LTBP1: variants seen among roughly 807,000 people sequenced by gnomAD.
LTBP1 encodes the protein latent-transforming growth factor beta-binding protein 1.
Under a neutral mutation model 207.6 loss-of-function variants are expected in LTBP1, and 129 were observed. The ratio of observed to expected loss-of-function variants is 0.62; its 90% CI spans 0.54 to 0.72. LTBP1 has a LOEUF of 0.72. Ranked by LOEUF, LTBP1 falls within the 30% of genes least tolerant of loss-of-function variation. The probability of loss-of-function intolerance (pLI) is 0.00; values close to 1 mark genes in which losing one functional copy is unlikely to be tolerated. For synonymous variants in LTBP1, 963 were observed against 833.7 expected (o/e 1.16, Z -2.67); for missense variants, 2,281 against 2,217.2 (o/e 1.03, Z -0.58).
chr2:33,157,107 A>G (rs900868374), intron 5 of LTBP1, among the ~76,000 whole-genome samples: 2 of 152,172 alleles, frequency 1.3e-5, no homozygotes, highest in Non-Finnish European at 2.9e-5. Context: ...CCCTTTCTAG[A>G]GTTCTTGGCC....
At position 32,947,720 on chromosome 2, in the gene LTBP1, C is replaced by A; in HGVS notation, c.396C>A (p.Thr132=). 1 of 1,535,686 alleles carries A rather than the reference C, an allele frequency of 6.5e-7. No individual in the cohort carries two copies. The highest frequency in any genetic ancestry group is 8.8e-7 in the Non-Finnish European group (1 of 1,142,686). The change falls in exon 1 of 34, where the codon ACC becomes ACA. Residue 132 remains threonine (T), a synonymous_variant. Transcript: ENST00000404816. ...PGGHPAAAPF[T]KQGRQVVRSK... Reference sequence around the variant, plus strand: ...GCCACCCGGCAGCCGCCCCGTTCACCAAACAAGGCAGGCAAGTTGTGCGCT... The same window carrying A: ...GCCACCCGGCAGCCGCCCCGTTCACAAAACAAGGCAGGCAAGTTGTGCGCT...
chr2:33,146,178 A>T (rs1038243158), intron 5 of LTBP1, among the ~76,000 whole-genome samples: 4 of 152,174 alleles, frequency 2.6e-5, no homozygotes, highest in Admixed American at 1.3e-4. Flanking sequence ...TGGTTATTTG[A>T]AATTTGATCT....
chr2:33,354,281 T>A (rs1006135518), intron 26 of LTBP1, among the ~76,000 whole-genome samples: 1 of 152,168 alleles, frequency 6.6e-6, no homozygotes, highest in African/African-American at 2.4e-5. Context: ...AATTTAACAT[T>A]GAAAGACTTA....
At chr2:33,299,451 TTTAGA>T (rs1220582170) in intron 20 of LTBP1, among the ~76,000 whole-genome samples, 1 of 152,198 alleles carries the variant, frequency 6.6e-6, no homozygotes. Flanking sequence ...TATTACTCCC[TTTAGA>T]TTAGGGCTCC....
intron 7 of LTBP1, among the ~76,000 whole-genome samples, chr2:33,194,777 G>A (rs1302091344): frequency 6.6e-6 from 1 of 152,236 alleles, no homozygotes; most frequent in Non-Finnish European, 1.5e-5. Context: ...CCTTATACCT[G>A]AAGAAGATGC....
intron 3 of LTBP1, among the ~76,000 whole-genome samples, chr2:33,035,371 AT>A (rs1165000033): frequency 4.6e-5 from 7 of 152,234 alleles, no homozygotes; most frequent in African/African-American, 1.7e-4. Context: ...GTTTTGAAAA[AT>A]TAGAGAGGAA....
chr2:32,967,857 C>T (rs1328497543), intron 2 of LTBP1, among the ~76,000 whole-genome samples: 1 of 152,108 alleles, frequency 6.6e-6, no homozygotes, highest in African/African-American at 2.4e-5. Context: ...CGTTGAATTC[C>T]AATTATGTCC....
chr2:33,379,723 C>T (rs1403129791), intron 31 of LTBP1, among the ~76,000 whole-genome samples: 1 of 152,202 alleles, frequency 6.6e-6, no homozygotes, highest in Non-Finnish European at 1.5e-5. Flanking sequence ...TTTTACTTTG[C>T]AGTGATGTCT....
At chr2:33,290,543 A>T (rs935641911) in intron 19 of LTBP1, among the ~76,000 whole-genome samples, 7 of 152,236 alleles carry the variant, frequency 4.6e-5, no homozygotes, top group African/African-American at 1.7e-4. Flanking sequence ...TGCAAGCTGG[A>T]TAATGGATTA....
At chr2:33,104,143 G>A (rs2079919711) in intron 3 of LTBP1, among the ~76,000 whole-genome samples, 1 of 152,102 alleles carries the variant, frequency 6.6e-6, no homozygotes, top group South Asian at 2.1e-4. Context: ...TAGAAATATG[G>A]AAAAGTTTAG....
intron 5 of LTBP1, among the ~76,000 whole-genome samples, chr2:33,159,831 A>G (rs768661228): frequency 2.6e-5 from 4 of 152,184 alleles, no homozygotes; most frequent in East Asian, 3.9e-4. Flanking sequence ...CAATGGGTAT[A>G]TTATTTCCAT....
At chr2:33,058,278 C>A (rs2077104874) in intron 3 of LTBP1, among the ~76,000 whole-genome samples, 1 of 152,096 alleles carries the variant, frequency 6.6e-6, no homozygotes, top group Non-Finnish European at 1.5e-5. Context: ...TTATTAATTA[C>A]ATTATTATTT....
intron 5 of LTBP1, among the ~76,000 whole-genome samples, chr2:33,165,871 C>T (rs1053817769): frequency 1.3e-5 from 2 of 152,160 alleles, no homozygotes; most frequent in African/African-American, 4.8e-5. Context: ...TTCCAAATGG[C>T]TTGTGAAAAT....
chr2:33,366,974 A>G (rs929292347), intron 31 of LTBP1, among the ~76,000 whole-genome samples: 2 of 152,142 alleles, frequency 1.3e-5, no homozygotes, highest in Admixed American at 6.5e-5. Context: ...AAAATAATCA[A>G]AGAGGTTATA....
intron 3 of LTBP1, among the ~76,000 whole-genome samples, chr2:33,055,819 G>A (rs535171489): frequency 9.2e-5 from 14 of 152,288 alleles, no homozygotes; most frequent in Admixed American, 4.6e-4. Flanking sequence ...TCCCCCTACA[G>A]CTTGAAGGGG....
At chr2:33,280,613 G>A (rs1379180732) in intron 19 of LTBP1, among the ~76,000 whole-genome samples, 1 of 152,174 alleles carries the variant, frequency 6.6e-6, no homozygotes, top group Admixed American at 6.5e-5. Flanking sequence ...AATTACCCGT[G>A]CTGTAGTTAG....
intron 5 of LTBP1, among the ~76,000 whole-genome samples, chr2:33,183,666 G>T (rs1191475395): frequency 1.3e-5 from 2 of 152,164 alleles, no homozygotes; most frequent in Non-Finnish European, 2.9e-5. Context: ...TAAATTCTTT[G>T]TAGTACATTT....
At chr2:33,121,985 C>G (rs1401697749) in intron 4 of LTBP1, among the ~76,000 whole-genome samples, 4 of 152,192 alleles carry the variant, frequency 2.6e-5, no homozygotes, top group African/African-American at 9.6e-5. Context: ...CATGGTAAAT[C>G]GTATAATATA....
chr2:33,328,539 G>A (rs1007189236), intron 24 of LTBP1, among the ~76,000 whole-genome samples: 5 of 152,144 alleles, frequency 3.3e-5, no homozygotes, highest in Admixed American at 1.3e-4. Context: ...TTCACAGGGC[G>A]GCAGGATGGA....
Sources: allele counts gnomAD v4.1 joint callset (sites outside exome capture counted in the v4.1 genomes callset), GRCh38; gene constraint gnomAD v4.1.1; transcripts MANE v1.5; gene names NCBI Gene and HGNC (gene_info 2026-07-23, HGNC 2026-07-21).